ZNF804A: variants seen among roughly 807,000 people sequenced by gnomAD.
ZNF804A encodes the protein zinc finger protein 804A.
A neutral mutation model predicts 16.5 loss-of-function variants in ZNF804A; 2 were observed. That is an observed-to-expected ratio of 0.12 (90% CI 0.05 to 0.38). ZNF804A has a LOEUF of 0.38. ZNF804A is among the 10% of genes least tolerant of loss of function. The probability of loss-of-function intolerance (pLI) is 0.99; values close to 1 mark genes in which losing one functional copy is unlikely to be tolerated. For synonymous variants in ZNF804A, 534 were observed against 489.6 expected, an observed-to-expected ratio of 1.09 and a Z score of -1.20; for missense variants, 1,473 against 1,390.7, an observed-to-expected ratio of 1.06 and a Z score of -0.94.
At chr2:184,873,743 A>G (rs1696010550) in intron 2 of ZNF804A, among the ~76,000 whole-genome samples, 1 of 152,210 alleles carries the variant, frequency 6.6e-6, no homozygotes, top group Non-Finnish European at 1.5e-5. Flanking sequence ...ACAAAAAAGG[A>G]AACACTAAAG....
At chr2:184,770,682 G>A (rs908633983) in intron 1 of ZNF804A, among the ~76,000 whole-genome samples, 1 of 152,010 alleles carries the variant, frequency 6.6e-6, no homozygotes, top group African/African-American at 2.4e-5. Context: ...CATGAAAAAT[G>A]TCAAAGGCTA....
chr2:184,736,685 A>G (rs1693619068), intron 1 of ZNF804A, among the ~76,000 whole-genome samples: 1 of 148,288 alleles, frequency 6.7e-6, no homozygotes, highest in Non-Finnish European at 1.5e-5. Context: ...CGTTCTGCAC[A>G]TGTATCCCGA....
intron 1 of ZNF804A, among the ~76,000 whole-genome samples, chr2:184,824,469 C>T (rs1386423148): frequency 1.3e-5 from 2 of 151,020 alleles, no homozygotes; most frequent in East Asian, 1.9e-4. Flanking sequence ...TTCATGTCCT[C>T]GGTAAAAGAA....
intron 2 of ZNF804A, among the ~76,000 whole-genome samples, chr2:184,898,109 T>G: frequency 6.6e-6 from 1 of 152,178 alleles, no homozygotes; most frequent in East Asian, 1.9e-4. Context: ...GTTATTTTAA[T>G]TTAACATCTA....
At position 184,937,102 on chromosome 2, in the gene ZNF804A, A is replaced by T. The variant is rs987361296; in HGVS notation, c.1706A>T (p.Lys569Ile). Residue 569 changes from lysine (K) to isoleucine (I), a missense_variant, in exon 4 of 4, where the codon AAA becomes ATA. By Grantham distance (102) the Lys-to-Ile change is moderately radical. Transcript: ENST00000302277. ...TATAATTTTACTAAAAGTCAAATAA[A>T]ACAGGACACTCTAGATGAAAAATAC... is the stretch of plus-strand genomic sequence containing the variant. Reference protein sequence around the residue: ...EKYNFTKSQIKQDTLDEKYNK... With the variant: ...EKYNFTKSQIIQDTLDEKYNK... 3.1e-6 allele frequency: 5 copies of T among 1,605,968 alleles called. No individual in the cohort carries two copies. In the African/African-American group the frequency reaches 6.7e-5, roughly 22 times the overall value.
rs533319681 is a variant in ZNF804A, at chr2:184,632,481, C to T, written c.111+33411C>T. On this transcript the variant is annotated intron_variant, in intron 1 of 3. Transcript: ENST00000302277. ...GGCAATCTCAGCTTACTGCAAGCTC[C>T]GTCTCCTGGGTCCAAGCAATTCTCC... is the stretch of plus-strand genomic sequence containing the variant. Among the ~76,000 whole-genome samples the T allele has an allele frequency of 7.9e-5, 12 of 152,224 alleles. No individual in the cohort carries two copies. The South Asian group carries it at 2.3e-3, about 29-fold the overall frequency.
chr2:184,796,564 G>C (rs1339415555), intron 1 of ZNF804A, among the ~76,000 whole-genome samples: 1 of 150,894 alleles, frequency 6.6e-6, no homozygotes, highest in Non-Finnish European at 1.5e-5. Context: ...TAGTGTCAAA[G>C]AACAAACTTT....
intron 1 of ZNF804A, among the ~76,000 whole-genome samples, chr2:184,669,619 A>G (rs546667803): frequency 2.6e-4 from 40 of 152,204 alleles, no homozygotes; most frequent in African/African-American, 9.4e-4. Flanking sequence ...AAATAATTGA[A>G]TAGATCCACA....
chr2:184,663,381 C>T (rs1468289195), intron 1 of ZNF804A, among the ~76,000 whole-genome samples: 2 of 152,130 alleles, frequency 1.3e-5, no homozygotes, highest in African/African-American at 4.8e-5. Context: ...CCCTTGCCAC[C>T]TGGGCCCCCT....
intron 1 of ZNF804A, among the ~76,000 whole-genome samples, chr2:184,605,725 G>T: frequency 6.6e-6 from 1 of 152,202 alleles, no homozygotes. Flanking sequence ...AGGGACTTGA[G>T]AATCTGTAGA....
chr2:184,808,518 T>G (rs1454605344), intron 1 of ZNF804A, among the ~76,000 whole-genome samples: 1 of 151,608 alleles, frequency 6.6e-6, no homozygotes, highest in African/African-American at 2.4e-5. Context: ...ACATTCAGAT[T>G]TAGAATAATA....
intron 1 of ZNF804A, among the ~76,000 whole-genome samples, chr2:184,844,418 T>G (rs2105801211): frequency 6.6e-6 from 1 of 152,206 alleles, no homozygotes; most frequent in Admixed American, 6.6e-5. Context: ...GGTGATGAAT[T>G]TGGCAGTTTT....
chr2:184,766,511 A>T (rs771115592), intron 1 of ZNF804A, among the ~76,000 whole-genome samples: 2 of 151,926 alleles, frequency 1.3e-5, no homozygotes, highest in Non-Finnish European at 2.9e-5. Context: ...GTGAATATAT[A>T]ACCTTGTCTT....
intron 1 of ZNF804A, among the ~76,000 whole-genome samples, chr2:184,799,516 A>G (rs528563477): frequency 6.6e-6 from 1 of 152,084 alleles, no homozygotes; most frequent in Non-Finnish European, 1.5e-5. Flanking sequence ...ATTAGCAAGT[A>G]TCTTCTACTT....
intron 1 of ZNF804A, among the ~76,000 whole-genome samples, chr2:184,837,040 T>C (rs981374735): frequency 6.6e-6 from 1 of 152,094 alleles, no homozygotes; most frequent in East Asian, 1.9e-4. Context: ...TACTACTGCT[T>C]CTTCGCAGAT....
intron 1 of ZNF804A, among the ~76,000 whole-genome samples, chr2:184,723,722 T>C (rs1011135029): frequency 2.0e-5 from 3 of 151,760 alleles, no homozygotes; most frequent in Admixed American, 1.3e-4. Context: ...TTTTGATCAC[T>C]GTGAAAACAG....
intron 2 of ZNF804A, among the ~76,000 whole-genome samples, chr2:184,906,739 T>C (rs1685280954): frequency 1.3e-5 from 2 of 152,218 alleles, no homozygotes; most frequent in East Asian, 3.8e-4. Context: ...GAAGTAATTT[T>C]GCGATACAAT....
intron 1 of ZNF804A, among the ~76,000 whole-genome samples, chr2:184,773,981 G>A (rs1694253591): frequency 6.6e-6 from 1 of 151,814 alleles, no homozygotes; most frequent in Non-Finnish European, 1.5e-5. Context: ...TGCACATTGG[G>A]TTTGAATCGA....
intron 2 of ZNF804A, among the ~76,000 whole-genome samples, chr2:184,871,725 CTTAA>C (rs1695979872): frequency 6.6e-6 from 1 of 151,636 alleles, no homozygotes; most frequent in African/African-American, 2.4e-5. Context: ...AAAAGCAAAC[CTTAA>C]TTGTTTAAAA....
Sources: gnomAD v4.1 joint callset for allele counts (sites outside exome capture counted in the v4.1 genomes callset) on GRCh38, gnomAD v4.1.1 for gene constraint, MANE v1.5 for transcripts, NCBI Gene and HGNC (gene_info 2026-07-23, HGNC 2026-07-21) for gene names.